Variants in STOX2 observed in about 807,000 individuals in gnomAD.
The protein encoded by STOX2 is storkhead box 2.
A neutral mutation model predicts 60.9 loss-of-function variants in STOX2; 28 were observed. That is an observed-to-expected ratio of 0.46 (90% confidence interval 0.34 to 0.63). STOX2 has a LOEUF of 0.63. Ranked by LOEUF, STOX2 falls within the 30% of genes least tolerant of loss-of-function variation. STOX2 has a pLI of 0.01. For missense variants in STOX2, 1,024 were observed against 1,187.7 expected (o/e 0.86, Z 2.03); for synonymous variants, 472 against 463.9 (o/e 1.02, Z -0.22).
chr4:183,852,536 G>GGAAAGGATGAGGGAAAGGATGAGA lies in STOX2; in HGVS notation c.364+54504_364+54527dup, dbSNP rs1560846512. The stretch of plus-strand genomic sequence containing the variant: ...GGGAAAGGATGAGGGAAAGGATGAG[G>GGAAAGGATGAGGGAAAGGATGAGA]GAAAGGATGAGGGAAAGGATGAGAG... On this transcript the variant is annotated intron_variant, in intron 1 of 2. Transcript: ENST00000513034. Among the ~76,000 whole-genome samples the GGAAAGGATGAGGGAAAGGATGAGA allele has an allele frequency of 2.7e-3, 11 of 4,034 alleles. 2 individuals carry two copies. The Admixed American group carries it at 0.031, about 11-fold the overall frequency. 2.6% of individuals were successfully genotyped at this position (4,034 alleles called of 152,430 possible). A position where few individuals can be genotyped will look rare whatever the true frequency, so the allele number is the denominator to read the frequency against.
intron 1 of STOX2, among the ~76,000 whole-genome samples, chr4:183,984,489 A>G (rs867579346): frequency 2.6e-5 from 4 of 152,226 alleles, no homozygotes; most frequent in Admixed American, 6.5e-5. Flanking sequence ...CAAGGTTTGT[A>G]TACTCCATAT....
At chr4:183,898,966 A>G (rs886531502) in intron 1 of STOX2, among the ~76,000 whole-genome samples, 3 of 152,256 alleles carry the variant, frequency 2.0e-5, no homozygotes, top group African/African-American at 4.8e-5. Context: ...GAGTAAGTCT[A>G]TGGGCGCCAT....
At chr4:183,871,814 G>A (rs971084811) in intron 1 of STOX2, among the ~76,000 whole-genome samples, 2 of 151,846 alleles carry the variant, frequency 1.3e-5, no homozygotes, top group African/African-American at 2.4e-5. Context: ...CTGACAGACC[G>A]TGAGCTCTTC....
intron 1 of STOX2, among the ~76,000 whole-genome samples, chr4:183,887,952 C>T (rs1741120594): frequency 6.6e-6 from 1 of 152,144 alleles, no homozygotes; most frequent in African/African-American, 2.4e-5. Context: ...AGGGTATCAA[C>T]TTTATTGCCT....
intron 1 of STOX2, among the ~76,000 whole-genome samples, chr4:183,942,691 T>G (rs1441859012): frequency 6.6e-6 from 1 of 152,174 alleles, no homozygotes; most frequent in Admixed American, 6.5e-5. Flanking sequence ...AACTACTGTT[T>G]CAGCTTGAGA....
At chr4:183,949,526 C>T (rs1294243047) in intron 1 of STOX2, among the ~76,000 whole-genome samples, 1 of 151,868 alleles carries the variant, frequency 6.6e-6, no homozygotes, top group Non-Finnish European at 1.5e-5. Context: ...GATGAAACCC[C>T]ATCTCTACTA....
intron 1 of STOX2, among the ~76,000 whole-genome samples, chr4:183,963,493 C>T (rs771358054): frequency 6.6e-6 from 1 of 150,440 alleles, no homozygotes; most frequent in African/African-American, 2.4e-5. Flanking sequence ...ATGGTGTGAT[C>T]TCTGCTCACT....
At chr4:183,944,357 C>T (rs1220744156) in intron 1 of STOX2, among the ~76,000 whole-genome samples, 1 of 152,210 alleles carries the variant, frequency 6.6e-6, no homozygotes. Context: ...GTGCATAATA[C>T]ACTCAAATAC....
In STOX2 at chr4:184,010,944, A is replaced by G. The variant is rs756290087; in HGVS notation, c.2106A>G (p.Thr702=). 1.2e-6 allele frequency: 2 copies of G among 1,613,452 alleles called. No homozygotes were observed. The highest frequency in any genetic ancestry group is 1.1e-5 in the South Asian group (1 of 90,960). The change falls in exon 3 of 4, where the codon ACA becomes ACG. Residue 702 remains threonine (T), a synonymous_variant. Transcript: ENST00000308497. This position sits in a 1 kb window ranked among gnomAD's most constrained non-coding sequence, Gnocchi z 4.5. Reference sequence around the variant, plus strand: ...GGAAAGAGATATTTAGCAAAGACACACTGTTCAAACCTCTTCACAGCACCT... The same window carrying G: ...GGAAAGAGATATTTAGCAAAGACACGCTGTTCAAACCTCTTCACAGCACCT... ...DKRKEIFSKD[T]LFKPLHSTLS...
At position 183,950,624 on chromosome 4, in the gene STOX2, G is replaced by A. The variant is rs577748377; in HGVS notation, c.166+43668G>A. 9.2e-5 allele frequency among the ~76,000 whole-genome samples: 14 copies of A among 152,328 alleles called. No individual in the cohort carries two copies. In the East Asian group the frequency reaches 1.2e-3, roughly 13 times the overall value. Reference sequence around the variant, plus strand: ...CGAGTTTGTCAAAGATCACTGTACCGAGGGGCTGGAATGACATGGAGCAGG... The same window carrying A: ...CGAGTTTGTCAAAGATCACTGTACCAAGGGGCTGGAATGACATGGAGCAGG... On this transcript the variant is annotated intron_variant, in intron 1 of 3. Coordinates refer to ENST00000308497, the MANE Select transcript of STOX2 (RefSeq NM_020225.3).
intron 1 of STOX2, among the ~76,000 whole-genome samples, chr4:183,895,025 A>G (rs1443344980): frequency 6.6e-6 from 1 of 152,206 alleles, no homozygotes; most frequent in Non-Finnish European, 1.5e-5. Flanking sequence ...ATAAGAAAAC[A>G]CTAAATCCAG....
rs1273111355 is a variant in STOX2, at chr4:183,825,433, G to T, written c.364+27378G>T. The stretch of plus-strand genomic sequence containing the variant: ...TGCTGCAGATGGCAGCGGTCAGCTC[G>T]TGTCATCTCCTAGCATCCCTGGACC... On this transcript the variant is annotated intron_variant, in intron 1 of 2. Transcript: ENST00000513034. This position sits in a 1 kb window ranked among gnomAD's most constrained non-coding sequence, Gnocchi z 4.1. 6.6e-6 allele frequency among the ~76,000 whole-genome samples: 1 copy of T among 152,146 alleles called. No homozygotes were observed. Among genetic ancestry groups the T allele is most frequent in the Non-Finnish European group, 1.5e-5 (1 of 68,024 alleles).
chr4:183,856,049 C>T lies in STOX2; in HGVS notation c.364+57994C>T, dbSNP rs1202691965. Among the ~76,000 whole-genome samples, 2 of 152,182 alleles carry T rather than the reference C, an allele frequency of 1.3e-5. No homozygotes were observed. Among genetic ancestry groups the T allele is most frequent in the African/African-American group, 4.8e-5 (2 of 41,432 alleles). ...TGTCTCCTCTGAGTTCGCTTCCAGCCTAGGTCTCATTCCTGGCCTGGTGGT... is the reference window on the plus strand; with the variant it reads ...TGTCTCCTCTGAGTTCGCTTCCAGCTTAGGTCTCATTCCTGGCCTGGTGGT... On this transcript the variant is annotated intron_variant, in intron 1 of 2. Transcript: ENST00000513034. This position sits in a 1 kb window ranked among gnomAD's most constrained non-coding sequence, Gnocchi z 4.0.
chr4:183,896,936 A>G (rs940807653), intron 1 of STOX2, among the ~76,000 whole-genome samples: 2 of 152,140 alleles, frequency 1.3e-5, no homozygotes, highest in Non-Finnish European at 2.9e-5. Context: ...ACCCACCAAT[A>G]TTGTCATTTG....
intron 1 of STOX2, among the ~76,000 whole-genome samples, chr4:183,887,407 G>A (rs1343638104): frequency 6.6e-6 from 1 of 152,204 alleles, no homozygotes; most frequent in Non-Finnish European, 1.5e-5. Flanking sequence ...TATTTGGAGA[G>A]ATGGATTAAT....
intron 3 of STOX2, among the ~76,000 whole-genome samples, chr4:184,012,483 A>G (rs1734209283): frequency 6.6e-6 from 1 of 152,228 alleles, no homozygotes; most frequent in Admixed American, 6.5e-5. Flanking sequence ...TCTTTTCACT[A>G]TATCCCTGGA....
chr4:183,935,015 C>T (rs1476982611), intron 1 of STOX2, among the ~76,000 whole-genome samples: 1 of 152,250 alleles, frequency 6.6e-6, no homozygotes, highest in Non-Finnish European at 1.5e-5. Flanking sequence ...CAACTCAGTG[C>T]AATATTTCAA....
chr4:183,857,691 C>G (rs561776615), intron 1 of STOX2, among the ~76,000 whole-genome samples: 26 of 152,252 alleles, frequency 1.7e-4, no homozygotes, highest in Non-Finnish European at 2.5e-4. Context: ...ACCTTCCCCC[C>G]AGCCCTGTCT....
chr4:184,014,132 A>AAAAAAAC (rs1734273103), intron 3 of STOX2: 2 of 136,370 alleles, frequency 1.5e-5, no homozygotes, highest in African/African-American at 5.6e-5. Flanking sequence ...AAAAAAAAAA[A>AAAAAAAC]AACAGAAAAA....
Sources: gnomAD v4.1 joint callset for allele counts (sites outside exome capture counted in the v4.1 genomes callset) on GRCh38, gnomAD v4.1.1 for gene constraint, Gnocchi (gnomAD v3.1) non-coding constraint, MANE v1.5 for transcripts, NCBI Gene and HGNC (gene_info 2026-07-23, HGNC 2026-07-21) for gene names.